Variants in PDZD2 observed in about 807,000 individuals in gnomAD.
PDZD2 encodes PDZ domain-containing protein 2.
Under a neutral mutation model 220.7 loss-of-function variants are expected in PDZD2, and 90 were observed. That is an observed-to-expected ratio of 0.41 (90% confidence interval 0.34 to 0.49). The LOEUF (loss-of-function observed/expected upper bound fraction) is 0.49, where lower values mean the gene tolerates loss of function less well. Ranked by LOEUF, PDZD2 falls within the 20% of genes least tolerant of loss-of-function variation. The pLI is 0.28. For synonymous variants in PDZD2, 1,375 were observed against 1,450.5 expected (o/e 0.95, Z 1.18); for missense variants, 3,174 against 3,608.5 (o/e 0.88, Z 3.08).
intron 1 of PDZD2, among the ~76,000 whole-genome samples, chr5:31,716,483 G>C (rs965335279): frequency 6.6e-6 from 1 of 152,162 alleles, no homozygotes; most frequent in African/African-American, 2.4e-5. Context: ...GAATGGGCAA[G>C]GCAGGGTAAG....
Position 31,687,498 on chromosome 5 carries a change from T to C in PDZD2, c.-361+48061T>C, listed in dbSNP as rs142048712. On this transcript the variant is annotated intron_variant, in intron 1 of 24. Transcript: ENST00000438447. ...ACGTCGATCTAGGCTTTTTCTAGCATGCACCTCCAAACTCTTCTAGCCTCT... is the reference window on the plus strand; with the variant it reads ...ACGTCGATCTAGGCTTTTTCTAGCACGCACCTCCAAACTCTTCTAGCCTCT... Among the ~76,000 whole-genome samples the C allele has an allele frequency of 4.1e-3, 618 of 152,318 alleles. 4 individuals are homozygous for C. Among genetic ancestry groups the C allele is most frequent in the African/African-American group, 0.014 (595 of 41,582 alleles).
At chr5:31,866,268 G>T (rs1738224400) in intron 2 of PDZD2, among the ~76,000 whole-genome samples, 1 of 151,958 alleles carries the variant, frequency 6.6e-6, no homozygotes, top group African/African-American at 2.4e-5. Flanking sequence ...GAAATTGTTG[G>T]GATTACAGGC....
chr5:31,917,885 G>A (rs537270540), intron 2 of PDZD2, among the ~76,000 whole-genome samples: 32 of 152,246 alleles, frequency 2.1e-4, no homozygotes, highest in African/African-American at 7.2e-4. Flanking sequence ...GACTACAGGC[G>A]TGTGCCCCTA....
chr5:31,976,920 G>A (rs963640726), intron 2 of PDZD2, among the ~76,000 whole-genome samples: 3 of 151,472 alleles, frequency 2.0e-5, no homozygotes, highest in African/African-American at 4.9e-5. Flanking sequence ...GTTTCAGCAC[G>A]TTGGTCAGGC....
At position 31,904,308 on chromosome 5, in the gene PDZD2, TAAAC is replaced by T. The variant is rs572914585; in HGVS notation, c.477-78841_477-78838del. Among the ~76,000 whole-genome samples, 1,389 of 152,298 alleles carry T rather than the reference TAAAC, an allele frequency of 9.1e-3. 14 individuals are homozygous for T. Among genetic ancestry groups the T allele is most frequent in the Middle Eastern group, 0.058 (17 of 294 alleles). ...GTTTATTTAGTCAACAGTCATTCAA[TAAAC>T]AAACATTTAATGAGCACTTGCTGTG... On this transcript the variant is annotated intron_variant, in intron 2 of 24. Coordinates refer to ENST00000438447, the MANE Select transcript of PDZD2 (RefSeq NM_178140.4).
At chr5:31,927,961 CCTT>C (rs1402783399) in intron 2 of PDZD2, among the ~76,000 whole-genome samples, 2 of 152,124 alleles carry the variant, frequency 1.3e-5, no homozygotes, top group African/African-American at 2.4e-5. Context: ...CAAGATGGCT[CCTT>C]CTTGAAGAAA....
chr5:31,771,026 C>T (rs1411523609), intron 1 of PDZD2, among the ~76,000 whole-genome samples: 1 of 152,216 alleles, frequency 6.6e-6, no homozygotes, highest in East Asian at 1.9e-4. Flanking sequence ...GAAAGACTAC[C>T]GTGATGCAAT....
At chr5:32,003,065 T>C (rs111066611) in intron 5 of PDZD2, among the ~76,000 whole-genome samples, 59 of 58,744 alleles carry the variant, frequency 1.0e-3, no homozygotes, top group African/African-American at 1.9e-3. Flanking sequence ...CACACACACA[T>C]CACACACCCA....
chr5:31,688,659 C>T (rs1387374690), intron 1 of PDZD2, among the ~76,000 whole-genome samples: 1 of 152,134 alleles, frequency 6.6e-6, no homozygotes, highest in Admixed American at 6.5e-5. Context: ...GATTGCTCAC[C>T]AGGCTGTCTT....
At chr5:31,784,118 G>A (rs1002231653) in intron 1 of PDZD2, among the ~76,000 whole-genome samples, 4 of 152,072 alleles carry the variant, frequency 2.6e-5, no homozygotes, top group Middle Eastern at 3.2e-3. Flanking sequence ...ATGAAATCCC[G>A]GCTTTGCTTG....
rs78624447 is a variant in PDZD2, at chr5:32,110,054, A to T, written c.*1919A>T. 12 of 126,300 alleles carry T rather than the reference A, an allele frequency of 9.5e-5. No homozygotes were observed. Among genetic ancestry groups the T allele is most frequent in the African/African-American group, 2.6e-4 (8 of 30,872 alleles). The allele number at this position is 126,300 out of a possible 1,614,324, so 7.8% of individuals were successfully genotyped here. On this transcript the variant is annotated 3_prime_UTR_variant, in exon 25 of 25. Coordinates refer to ENST00000438447, the MANE Select transcript of PDZD2 (RefSeq NM_178140.4). ...ATGCTTGATTGATAGATATTGATTG[A>T]TTGTTTTTCAGTCTCTGGGGTCAGT...
chr5:31,783,414 G>A (rs926881281), intron 1 of PDZD2, among the ~76,000 whole-genome samples: 7 of 152,268 alleles, frequency 4.6e-5, no homozygotes, highest in South Asian at 4.1e-4. Flanking sequence ...CATCCGCATC[G>A]GGGAAGGAGG....
intron 2 of PDZD2, among the ~76,000 whole-genome samples, chr5:31,966,452 A>G (rs1748768800): frequency 6.6e-6 from 1 of 152,230 alleles, no homozygotes; most frequent in African/African-American, 2.4e-5. Context: ...TTATTTTTAA[A>G]TTAAATCCCA....
intron 2 of PDZD2, among the ~76,000 whole-genome samples, chr5:31,937,338 C>T (rs972228896): frequency 1.3e-5 from 2 of 152,042 alleles, no homozygotes; most frequent in African/African-American, 2.4e-5. Context: ...CTGAGAAGAA[C>T]GTCAGAGGTA....
At chr5:31,998,982 G>C (rs1751874329) in intron 4 of PDZD2, among the ~76,000 whole-genome samples, 1 of 152,232 alleles carries the variant, frequency 6.6e-6, no homozygotes, top group African/African-American at 2.4e-5. Flanking sequence ...GGAATCCACA[G>C]AACTGTTGAC....
intron 2 of PDZD2, among the ~76,000 whole-genome samples, chr5:31,818,538 G>A (rs1349055831): frequency 6.6e-6 from 1 of 152,102 alleles, no homozygotes; most frequent in Non-Finnish European, 1.5e-5. Context: ...TTCCCAAGGA[G>A]AGGAGTCAGT....
chr5:31,970,147 G>A (rs1034812386), intron 2 of PDZD2, among the ~76,000 whole-genome samples: 2 of 151,892 alleles, frequency 1.3e-5, no homozygotes, highest in African/African-American at 4.8e-5. Flanking sequence ...CGCCCACCTC[G>A]GCCTCCCAAA....
At chr5:31,869,853 A>G (rs1289039787) in intron 2 of PDZD2, among the ~76,000 whole-genome samples, 1 of 152,106 alleles carries the variant, frequency 6.6e-6, no homozygotes, top group African/African-American at 2.4e-5. Context: ...CTGAGGGCAG[A>G]GAGAGGGGTG....
At chr5:31,879,447 C>G (rs746411186) in intron 2 of PDZD2, among the ~76,000 whole-genome samples, 27 of 150,882 alleles carry the variant, frequency 1.8e-4, no homozygotes, top group Non-Finnish European at 2.2e-4. Context: ...AGCAAGTTGT[C>G]ACACACACTA....
Sources: gnomAD v4.1 joint callset for allele counts (sites outside exome capture counted in the v4.1 genomes callset) on GRCh38, gnomAD v4.1.1 for gene constraint, MANE v1.5 for transcripts, NCBI Gene and HGNC (gene_info 2026-07-23, HGNC 2026-07-21) for gene names.